ERAP2: variants seen among roughly 807,000 people sequenced by gnomAD.
ERAP2 encodes endoplasmic reticulum aminopeptidase 2.
A neutral mutation model predicts 111.1 loss-of-function variants in ERAP2; 118 were observed. That is an observed-to-expected ratio of 1.06 (90% CI 0.92 to 1.24). The LOEUF (loss-of-function observed/expected upper bound fraction) is 1.24, where lower values mean the gene tolerates loss of function less well. ERAP2 is among the 50% of genes most tolerant of loss of function. The pLI, the probability that ERAP2 is intolerant of heterozygous loss-of-function variation, is 0.00. For missense variants in ERAP2, 1,131 were observed against 1,125.8 expected (o/e 1.00, Z -0.07); for synonymous variants, 410 against 401.2 (o/e 1.02, Z -0.26).
chr5:96,902,431 A>G, intron 12 of ERAP2, 78 bp downstream of exon 12: 1 of 849,234 alleles, frequency 1.2e-6, no homozygotes, highest in Non-Finnish European at 2.0e-6. Flanking sequence ...GAACGATACA[A>G]TAAGTAAATC....
intron 11 of ERAP2, 151 bp downstream of exon 11, chr5:96,901,832 GCTTCATATAACCCGGA>G (rs1785504081): frequency 1.3e-6 from 1 of 754,340 alleles, no homozygotes. Flanking sequence ...GATTTAAAGA[GCTTCATATAACCCGGA>G]CTTCTTTGTT....
intron 15 of ERAP2, among the ~76,000 whole-genome samples, chr5:96,910,653 T>G (rs1786635682): frequency 6.6e-6 from 1 of 152,224 alleles, no homozygotes; most frequent in South Asian, 2.1e-4. Context: ...TAGATATAAG[T>G]GTTCAACATG....
intron 9 of ERAP2, among the ~76,000 whole-genome samples, chr5:96,898,281 T>C (rs1388750093): frequency 6.6e-6 from 1 of 151,998 alleles, no homozygotes; most frequent in Non-Finnish European, 1.5e-5. Context: ...ATTATCTCAT[T>C]TGATATTTTT....
At chr5:96,893,469 C>A (rs539190557) in intron 6 of ERAP2, among the ~76,000 whole-genome samples, 39 of 152,174 alleles carry the variant, frequency 2.6e-4, no homozygotes, top group Non-Finnish European at 4.6e-4. Flanking sequence ...TCCTTTGGTT[C>A]AAAATCTCCC....
chr5:96,895,389 T>C (rs775103840), intron 7 of ERAP2, 30 bp downstream of exon 7: 4 of 1,372,738 alleles, frequency 2.9e-6, no homozygotes, highest in Non-Finnish European at 4.1e-6. Context: ...TATCATACTA[T>C]ATGGTGTAAA....
chr5:96,893,276 T>C (rs1327365896), intron 6 of ERAP2, among the ~76,000 whole-genome samples: 1 of 152,210 alleles, frequency 6.6e-6, no homozygotes, highest in Non-Finnish European at 1.5e-5. Context: ...AAATTGTCTT[T>C]CACCAAGTGG....
chr5:96,892,442 C>T lies in ERAP2; in HGVS notation c.1114C>T (p.Leu372=), dbSNP rs146790983. 4.0e-5 allele frequency: 65 copies of T among 1,613,960 alleles called. No individual in the cohort carries two copies. The African/African-American group carries it at 8.3e-4, about 21-fold the overall frequency. ...GGTCACCAGAGTCATAGCCCATGAA[C>T]TGGCGCACCAGGTACTTGGCACTCA... ...LWVTRVIAHE[L]AHQWFGNLVT... The change falls in exon 6 of 19, where the codon CTG becomes TTG. Residue 372 remains leucine (L), a synonymous_variant. Transcript: ENST00000437043.
At position 96,895,179 on chromosome 5, in the gene ERAP2, A is replaced by ATTT. The variant is rs3832367; in HGVS notation, c.1126-63_1126-61dup. 3.4e-5 allele frequency: 32 copies of ATTT among 937,568 alleles called. No individual in the cohort carries two copies. The Admixed American group carries it at 3.6e-4, about 11-fold the overall frequency. The allele number at this position is 937,568 out of a possible 1,614,324, so 58.1% of individuals were successfully genotyped here. A position where few individuals can be genotyped will look rare whatever the true frequency, so the allele number is the denominator to read the frequency against. On this transcript the variant is annotated intron_variant, in intron 6 of 18. Transcript: ENST00000437043. ...TAAAAAAAAAGTTAGTAACTATTGT[A>ATTT]TTTTTTGCTAAAGTTAATAATTTTT...
intron 5 of ERAP2, 139 bp from the exon 6 acceptor site, chr5:96,892,160 C>A: frequency 1.3e-6 from 1 of 776,734 alleles, no homozygotes; most frequent in Non-Finnish European, 2.1e-6. Flanking sequence ...GACACCCTGT[C>A]AATGTTAAGA....
chr5:96,905,115 T>A (rs1785907674), intron 13 of ERAP2, among the ~76,000 whole-genome samples: 1 of 152,200 alleles, frequency 6.6e-6, no homozygotes, highest in South Asian at 2.1e-4. Context: ...ACTCAATAAA[T>A]GTCAGCTGTT....
rs867278307 is a variant in ERAP2, at chr5:96,902,592, T to A, written c.1828+239T>A. 8.5e-5 allele frequency: 33 copies of A among 388,488 alleles called. No individual in the cohort carries two copies. In the Middle Eastern group the frequency reaches 2.9e-3, roughly 34 times the overall value. The allele number at this position is 388,488 out of a possible 1,614,324, so 24.1% of individuals were successfully genotyped here. ...GAGACAGATTATTTACATCAAGAAA[T>A]AACAGAAATCTATCTTATGTCTTAT... On this transcript the variant is annotated intron_variant, in intron 12 of 18. Transcript: ENST00000437043.
At chr5:96,914,696 T>C (rs1352118050) in intron 17 of ERAP2, among the ~76,000 whole-genome samples, 1 of 152,196 alleles carries the variant, frequency 6.6e-6, no homozygotes, top group East Asian at 1.9e-4. Flanking sequence ...TGACCTGTAG[T>C]ACAAGTTTTC....
At chr5:96,899,099 T>A (rs1056993526) in intron 9 of ERAP2, among the ~76,000 whole-genome samples, 8 of 152,184 alleles carry the variant, frequency 5.3e-5, no homozygotes, top group African/African-American at 1.7e-4. Context: ...TTTTGTCACA[T>A]CATGCTTATA....
rs780230313 is a variant in ERAP2 at position 96,901,674 on chromosome 5, C to T, written c.1741C>T (p.Gln581Ter). ...FQEDPEWRAL[Q>*]ERYLWHIPLT... ...GGAAGACCCTGAATGGAGGGCCCTG[C>T]AGGAGAGGTGGCTGCTTTTCTTCTT... is the stretch of plus-strand genomic sequence containing the variant. The change falls in exon 11 of 19, where the codon CAG becomes TAG. Residue 581 changes from glutamine (Q) to a stop codon, truncating the protein, a stop_gained. Coordinates refer to ENST00000437043, the MANE Select transcript of ERAP2 (RefSeq NM_022350.5). LOFTEE classifies it high-confidence loss of function. 1.2e-6 allele frequency: 2 copies of T among 1,613,584 alleles called. No individual in the cohort carries two copies.
chr5:96,885,773 C>G (rs1783657536), intron 3 of ERAP2, among the ~76,000 whole-genome samples: 1 of 152,158 alleles, frequency 6.6e-6, no homozygotes, highest in Admixed American at 6.6e-5. Flanking sequence ...GATCTGTATC[C>G]ATTCAGTATT....
At position 96,878,478 on chromosome 5, in the gene ERAP2, A is replaced by G. The variant is rs115710067; in HGVS notation, c.-122-1086A>G. On this transcript the variant is annotated intron_variant, in intron 1 of 18. Transcript: ENST00000437043. ...ATTCTTTGTGACTTATGAAGACAAA[A>G]TAGAGACATCTTGCACAGTTTACTT... 5.6e-3 allele frequency among the ~76,000 whole-genome samples: 847 copies of G among 152,280 alleles called. 9 individuals carry two copies. Among genetic ancestry groups the G allele is most frequent in the African/African-American group, 0.019 (804 of 41,550 alleles).
intron 8 of ERAP2, 68 bp downstream of exon 8, chr5:96,896,572 G>A (rs879517775): frequency 6.4e-7 from 1 of 1,552,726 alleles, no homozygotes; most frequent in Non-Finnish European, 8.7e-7. Context: ...AGAATCAGCA[G>A]TTTAAGTCAC....
In ERAP2 at chr5:96,913,399, A is replaced by C. The variant is rs1348001194; in HGVS notation, c.2599A>C (p.Lys867Gln). The stretch of plus-strand genomic sequence containing the variant: ...CCTTCATGCGATTGCCAGACGTCCA[A>C]AGGGGCAGCAACTAGCATGGGATTT... ...ALLHAIARRPKGQQLAWDFVR... is the reference protein window; with the variant it reads ...ALLHAIARRPQGQQLAWDFVR... Residue 867 changes from lysine to glutamine, a missense_variant, in exon 17 of 19, where the codon AAG becomes CAG. Physicochemically the swap from Lys to Gln is moderately conservative, Grantham distance 53 (BLOSUM62 1). Coordinates refer to ENST00000437043, the MANE Select transcript of ERAP2 (RefSeq NM_022350.5). 4 of 1,614,158 alleles carry C rather than the reference A, an allele frequency of 2.5e-6. No individual in the cohort carries two copies.
rs553611550 is a variant in ERAP2 at position 96,914,631 on chromosome 5, A to ACCAT, written c.2658-1056_2658-1053dup. Among the ~76,000 whole-genome samples the ACCAT allele has an allele frequency of 1.8e-3, 268 of 152,312 alleles. 1 individual carries two copies. The highest frequency in any genetic ancestry group is 8.7e-3 in the Admixed American group (133 of 15,292). The stretch of plus-strand genomic sequence containing the variant: ...ACCATGTGCAGAGCCTAGACTTGGA[A>ACCAT]CCATATTTTTTTCTGAGCTGTAACT... On this transcript the variant is annotated intron_variant, in intron 17 of 18. Transcript: ENST00000437043.
Sources: gnomAD v4.1 joint callset for allele counts (sites outside exome capture counted in the v4.1 genomes callset) on GRCh38, gnomAD v4.1.1 for gene constraint, MANE v1.5 for transcripts, NCBI Gene and HGNC (gene_info 2026-07-23, HGNC 2026-07-21) for gene names.